The following PTPN9 variants were observed in gnomAD, a reference collection of about 807,000 sequenced individuals.
PTPN9 encodes protein tyrosine phosphatase non-receptor type 9.
Under a neutral mutation model 69.8 loss-of-function variants are expected in PTPN9, and 26 were observed. That is an observed-to-expected ratio of 0.37 (90% CI 0.27 to 0.52). The LOEUF (loss-of-function observed/expected upper bound fraction) is 0.52, where lower values mean the gene tolerates loss of function less well. Ranked by LOEUF, PTPN9 falls within the 20% of genes least tolerant of loss-of-function variation. The probability of loss-of-function intolerance (pLI) is 0.91; values close to 1 mark genes in which losing one functional copy is unlikely to be tolerated. For missense variants in PTPN9, 549 were observed against 740.3 expected (o/e 0.74, Z 3.00); for synonymous variants, 274 against 272.5 (o/e 1.01, Z -0.05).
intron 7 of PTPN9, among the ~76,000 whole-genome samples, chr15:75,503,593 T>TAGG (rs2074789340): frequency 9.7e-6 from 1 of 103,552 alleles, no homozygotes; most frequent in Admixed American, 1.0e-4. Context: ...GGGAGGGAGG[T>TAGG]GGGGGGGTCA....
At chr15:75,495,667 A>C (rs955081070) in intron 7 of PTPN9, among the ~76,000 whole-genome samples, 12 of 152,126 alleles carry the variant, frequency 7.9e-5, no homozygotes, top group African/African-American at 2.9e-4. Context: ...CAGTGAGCCG[A>C]GATCGCGCCA....
At chr15:75,537,753 C>CAAAAAAAAAAAAAAAAAAAAAAAAAAAA (rs1164644727) in intron 1 of PTPN9, among the ~76,000 whole-genome samples, 6 of 11,390 alleles carry the variant, frequency 5.3e-4, no homozygotes, top group Non-Finnish European at 9.4e-4. Context: ...GACTCCATCT[C>CAAAAAAAAAAAAAAAAAAAAAAAAAAAA]AAAAAAAAAA....
chr15:75,502,283 C>A, intron 7 of PTPN9, among the ~76,000 whole-genome samples: 1 of 151,946 alleles, frequency 6.6e-6, no homozygotes, highest in African/African-American at 2.4e-5. Flanking sequence ...CCTGTCTCTA[C>A]TAAAAATACA....
At chr15:75,523,699 G>A (rs1463343620) in intron 3 of PTPN9, among the ~76,000 whole-genome samples, 1 of 152,150 alleles carries the variant, frequency 6.6e-6, no homozygotes, top group Non-Finnish European at 1.5e-5. Context: ...ATGGGTGTCT[G>A]ACACATTGCA....
rs548960235 is a variant in PTPN9, at chr15:75,468,075, G to T, written c.*694C>A. 14 of 152,712 alleles carry T rather than the reference G, an allele frequency of 9.2e-5. No individual in the cohort carries two copies. Among genetic ancestry groups the T allele is most frequent in the African/African-American group, 3.4e-4 (14 of 41,514 alleles). 9.5% of individuals were successfully genotyped at this position (152,712 alleles called of 1,614,324 possible). A position where few individuals can be genotyped will look rare whatever the true frequency, so the allele number is the denominator to read the frequency against. ...ATGATCACCAACCCAAGCTAGTCCAGGATAAATAGTAGGGTCCAAGAAGCA... is the reference window on the plus strand; with the variant it reads ...ATGATCACCAACCCAAGCTAGTCCATGATAAATAGTAGGGTCCAAGAAGCA... On this transcript the variant is annotated 3_prime_UTR_variant, in exon 13 of 13. Transcript: ENST00000618819.
intron 1 of PTPN9, among the ~76,000 whole-genome samples, chr15:75,574,643 A>G (rs1050654456): frequency 2.0e-5 from 3 of 152,148 alleles, no homozygotes; most frequent in African/African-American, 7.2e-5. Context: ...ATTCTGCTTC[A>G]GAAATATTTT....
chr15:75,537,351 CA>C (rs1314961729), intron 1 of PTPN9, among the ~76,000 whole-genome samples: 1,036 of 29,846 alleles, frequency 0.035, 15 homozygotes, highest in Admixed American at 0.093. Context: ...GACTCCGTCT[CA>C]AAAAAAAAAA....
At position 75,552,236 on chromosome 15, in the gene PTPN9, TA is replaced by T. The variant is rs1194927038; in HGVS notation, c.64-24976del. 5.6e-3 allele frequency among the ~76,000 whole-genome samples: 754 copies of T among 135,462 alleles called. 1 individual carries two copies. The highest frequency in any genetic ancestry group is 7.9e-3 in the Middle Eastern group (2 of 254). The allele number at this position is 135,462 out of a possible 152,430, so 88.9% of individuals were successfully genotyped here. On this transcript the variant is annotated intron_variant, in intron 1 of 12. Transcript: ENST00000618819. ...CAACATAGAGAAACCCCATCTCTAC[TA>T]AAAAAAAAAAAAGTAGAAAATTAAC...
intron 7 of PTPN9, among the ~76,000 whole-genome samples, chr15:75,499,305 A>T (rs2074760175): frequency 6.6e-6 from 1 of 152,022 alleles, no homozygotes; most frequent in African/African-American, 2.4e-5. Flanking sequence ...TCAATAGGCA[A>T]GACTAGGAAG....
At chr15:75,500,155 A>G (rs2074764781) in intron 7 of PTPN9, among the ~76,000 whole-genome samples, 1 of 152,022 alleles carries the variant, frequency 6.6e-6, no homozygotes, top group South Asian at 2.1e-4. Context: ...CTCTACTAAA[A>G]ATACAAAATT....
chr15:75,504,861 C>T (rs1180024373), intron 7 of PTPN9, among the ~76,000 whole-genome samples: 1 of 148,974 alleles, frequency 6.7e-6, no homozygotes, highest in Admixed American at 6.6e-5. Context: ...GGGGTCTGGC[C>T]AGCCACCCCG....
chr15:75,502,465 AGAGG>A (rs2074778701), intron 7 of PTPN9, among the ~76,000 whole-genome samples: 1 of 151,674 alleles, frequency 6.6e-6, no homozygotes. Flanking sequence ...AAAAAAAAAG[AGAGG>A]GAGGGAGGAA....
intron 1 of PTPN9, among the ~76,000 whole-genome samples, chr15:75,564,711 C>G (rs2075119364): frequency 1.3e-5 from 2 of 151,918 alleles, no homozygotes; most frequent in Admixed American, 1.3e-4. Flanking sequence ...TATTCTAACA[C>G]TTTGGGAGGG....
intron 5 of PTPN9, among the ~76,000 whole-genome samples, chr15:75,509,755 G>A (rs1007160451): frequency 1.3e-5 from 2 of 152,080 alleles, no homozygotes; most frequent in African/African-American, 4.8e-5. Context: ...AAGCTGAGGC[G>A]GGCAGATCAC....
intron 1 of PTPN9, among the ~76,000 whole-genome samples, chr15:75,538,815 T>C (rs2141329068): frequency 6.6e-6 from 1 of 152,276 alleles, no homozygotes; most frequent in East Asian, 1.9e-4. Context: ...AATTTAGATA[T>C]GCACATAAAT....
At chr15:75,544,191 G>C (rs954723215) in intron 1 of PTPN9, among the ~76,000 whole-genome samples, 1 of 152,132 alleles carries the variant, frequency 6.6e-6, no homozygotes, top group Non-Finnish European at 1.5e-5. Context: ...TTGAGAGGCA[G>C]AATATAACAC....
At chr15:75,479,432 G>C (rs2074615634) in intron 9 of PTPN9, among the ~76,000 whole-genome samples, 1 of 152,132 alleles carries the variant, frequency 6.6e-6, no homozygotes, top group Non-Finnish European at 1.5e-5. Flanking sequence ...ACCAGCCTAG[G>C]CCTATTAGGA....
intron 1 of PTPN9, among the ~76,000 whole-genome samples, chr15:75,539,981 G>C (rs917805375): frequency 6.6e-6 from 1 of 152,174 alleles, no homozygotes; most frequent in Non-Finnish European, 1.5e-5. Context: ...CGTCTGGCCT[G>C]AATGTGTGAA....
chr15:75,521,629 T>A (rs923058910), intron 4 of PTPN9, among the ~76,000 whole-genome samples: 1 of 150,988 alleles, frequency 6.6e-6, no homozygotes, highest in African/African-American at 2.4e-5. Context: ...GAGGATTGCT[T>A]AAGTCCAGGA....
Sources: gnomAD v4.1 joint callset for allele counts (sites outside exome capture counted in the v4.1 genomes callset) on GRCh38, gnomAD v4.1.1 for gene constraint, MANE v1.5 for transcripts, NCBI Gene and HGNC (gene_info 2026-07-23, HGNC 2026-07-21) for gene names.